CACNA1G: variants seen among roughly 807,000 people sequenced by gnomAD.
CACNA1G encodes calcium voltage-gated channel subunit alpha1 G.
In CACNA1G, 67 loss-of-function variants were observed where a neutral mutation model predicts 219.4. The observed-to-expected ratio is 0.31, with a 90% CI of 0.25 to 0.37. The LOEUF (loss-of-function observed/expected upper bound fraction) is 0.37. Ranked by LOEUF, CACNA1G falls within the 10% of genes least tolerant of loss-of-function variation. CACNA1G has a pLI of 1.00. For missense variants in CACNA1G, 2,380 were observed against 3,231.4 expected (o/e 0.74, Z 6.39); for synonymous variants, 1,296 against 1,345.3 (o/e 0.96, Z 0.80).
At chr17:50,611,041 G>A (rs887699378) in intron 26 of CACNA1G, among the ~76,000 whole-genome samples, 17 of 151,966 alleles carry the variant, frequency 1.1e-4, no homozygotes, top group African/African-American at 4.1e-4. Context: ...AGATCATGAG[G>A]TCAGGGGTTT....
chr17:50,561,029 G>C lies in CACNA1G; in HGVS notation c.-431G>C. 1 of 328,036 alleles carries C rather than the reference G, an allele frequency of 3.0e-6. No homozygotes were observed. The highest frequency in any genetic ancestry group is 5.9e-6 in the Non-Finnish European group (1 of 170,796). 20.3% of individuals were successfully genotyped at this position (328,036 alleles called of 1,614,324 possible). ...TGCTGACCCCTTAGATCCGGCTCCAGCTGCGCCGCGGGAAGAGGGGGCGCC... is the reference window on the plus strand; with the variant it reads ...TGCTGACCCCTTAGATCCGGCTCCACCTGCGCCGCGGGAAGAGGGGGCGCC... On this transcript the variant is annotated 5_prime_UTR_variant, in exon 1 of 38. Transcript: ENST00000359106.
In CACNA1G at chr17:50,599,464, G is replaced by A. The variant is rs58240016; in HGVS notation, c.3295G>A (p.Ala1099Thr). 1.0e-3 allele frequency: 1,623 copies of A among 1,574,412 alleles called. 14 individuals carry two copies. In the African/African-American group the frequency reaches 0.014, roughly 14 times the overall value. The change falls in exon 17 of 38, where the codon GCT becomes ACT. Residue 1099 changes from alanine to threonine, a missense_variant. This residue lies in a region of CACNA1G where 418 missense variants were observed against 434.3 expected (regional missense o/e 0.96). Coordinates refer to ENST00000359106, the MANE Select transcript of CACNA1G (RefSeq NM_018896.5). ...CAGCTCTCCGCACAGCCCCTGGAGC[G>A]CTGCAAGCAGCTGGACCAGCAGGCG... ...ARSSPHSPWS[A>T]ASSWTSRRSS...
rs529448290 is a variant in CACNA1G at position 50,560,827 on chromosome 17, G to A, written c.-633G>A. 6.6e-6 allele frequency among the ~76,000 whole-genome samples: 1 copy of A among 152,096 alleles called. No homozygotes were observed. The highest frequency in any genetic ancestry group is 2.1e-4 in the South Asian group (1 of 4,832). On this transcript the variant is annotated 5_prime_UTR_variant, in exon 1 of 38. Coordinates refer to ENST00000359106, the MANE Select transcript of CACNA1G (RefSeq NM_018896.5). ...CAGCGGCAGCCACCGCGGCGGCTGC[G>A]GCGGCGGCATCTCCGCCTCCACTCC...
Position 50,572,567 on chromosome 17 carries a change from G to A in CACNA1G, c.760G>A (p.Asp254Asn), listed in dbSNP as rs756783356. The change falls in exon 6 of 38, where the codon GAC (aspartate) becomes AAC (asparagine). Residue 254 changes from aspartate (D) to asparagine (N), a missense_variant. By Grantham distance (23) the Asp-to-Asn change is conservative (BLOSUM62 1). Transcript: ENST00000359106. Reference sequence around the variant, plus strand: ...CCCATCCTGCAGCCCCCTGAGCGTGGACCTGGAGCGCTATTACCAGACAGA... The same window carrying A: ...CCCATCCTGCAGCCCCCTGAGCGTGAACCTGGAGCGCTATTACCAGACAGA... ...PENFSLPLSVDLERYYQTENE... is the reference protein window; with the variant it reads ...PENFSLPLSVNLERYYQTENE... The A allele has an allele frequency of 3.3e-5, 52 of 1,552,854 alleles. No homozygotes were observed. Among genetic ancestry groups the A allele is most frequent in the African/African-American group, 1.1e-4 (8 of 73,536 alleles).
chr17:50,623,841 G>T, intron 35 of CACNA1G, 66 bp from the exon 36 acceptor site: 1 of 1,523,986 alleles, frequency 6.6e-7, no homozygotes, highest in Non-Finnish European at 9.0e-7. Flanking sequence ...TGTTGTCAGC[G>T]CTGCCTCAGT....
intron 1 of CACNA1G, among the ~76,000 whole-genome samples, chr17:50,566,480 T>C (rs757376137): frequency 2.0e-5 from 3 of 152,184 alleles, no homozygotes; most frequent in Non-Finnish European, 4.4e-5. Context: ...GGGGCTGACA[T>C]GATCAAGAGC....
At chr17:50,592,764 C>A (rs1257483284) in intron 13 of CACNA1G, among the ~76,000 whole-genome samples, 1 of 152,172 alleles carries the variant, frequency 6.6e-6, no homozygotes, top group Non-Finnish European at 1.5e-5. Context: ...CCCGAGCCCC[C>A]AGACCCACCC....
Position 50,618,841 on chromosome 17 carries a change from G to C in CACNA1G, c.5614G>C (p.Glu1872Gln), listed in dbSNP as rs756194183. Residue 1872 changes from glutamate to glutamine, a missense_variant, in exon 33 of 38, where the codon GAG (glutamate) becomes CAG (glutamine). By Grantham distance (29) the Glu-to-Gln change is conservative (BLOSUM62 2). Transcript: ENST00000359106. The surrounding 1 kb of genome is among the most constrained non-coding windows in gnomAD (Gnocchi z 5.3). ...GGAGGCCGAGCTAGAGGCTGAGCTG[G>C]AGCTGGAGATGAAGACCCTCAGCCC... ...KEEAELEAEL[E>Q]LEMKTLSPQP... The C allele has an allele frequency of 4.3e-6, 7 of 1,613,638 alleles. No homozygotes were observed. The East Asian group carries it at 1.6e-4, about 36-fold the overall frequency.
Position 50,572,023 on chromosome 17 carries a change from T to C in CACNA1G, c.732T>C (p.Pro244=), listed in dbSNP as rs766932544. 11 of 1,613,502 alleles carry C rather than the reference T, an allele frequency of 6.8e-6. No individual in the cohort carries two copies. The African/African-American group carries it at 1.5e-4, about 22-fold the overall frequency. ...TGCTTCGGAACCGATGCTTCCTACC[T>C]GAGAATTTCAGCCTGTGAGTGGTGG... ...AGLLRNRCFL[P]ENFSLPLSVD... is the part of the protein sequence containing the mutation. Residue 244 remains proline (P), a synonymous_variant, in exon 5 of 38, where the codon CCT becomes CCC. Transcript: ENST00000359106.
rs535330413 is a variant in CACNA1G at position 50,578,372 on chromosome 17, C to A, written c.2109C>A (p.Ser703Arg). Residue 703 changes from serine (S) to arginine (R), a missense_variant, in exon 9 of 38, where the codon AGC (serine) becomes AGA (arginine). Ser to Arg is a moderately radical substitution (Grantham distance 110, BLOSUM62 -1). Transcript: ENST00000359106. The surrounding 1 kb of genome is among the most constrained non-coding windows in gnomAD (Gnocchi z 4.5). Reference protein sequence around the residue: ...VYEFTQDAQHSDLRDPHSRRQ... With the variant: ...VYEFTQDAQHRDLRDPHSRRQ... ...AGTTCACACAGGATGCCCAGCACAG[C>A]GACCTCCGGGACCCCCACAGCCGGC... The A allele has an allele frequency of 6.2e-7, 1 of 1,613,126 alleles. No individual in the cohort carries two copies. Among genetic ancestry groups the A allele is most frequent in the African/African-American group, 1.3e-5 (1 of 74,912 alleles).
At chr17:50,604,713 A>G (rs549648928) in intron 22 of CACNA1G, among the ~76,000 whole-genome samples, 5 of 152,238 alleles carry the variant, frequency 3.3e-5, no homozygotes, top group Non-Finnish European at 7.3e-5. Context: ...CAGACCCCAG[A>G]CGAGGCAGGA....
At chr17:50,623,147 G>C (rs1598824366) in intron 35 of CACNA1G, among the ~76,000 whole-genome samples, 1 of 143,782 alleles carries the variant, frequency 7.0e-6, no homozygotes, top group South Asian at 2.3e-4. Flanking sequence ...CTAGGCTGGA[G>C]TGCAGTGATA....
In CACNA1G at chr17:50,599,816, A is replaced by AC; in HGVS notation, c.3653dup (p.Leu1219ThrfsTer5). 1 of 1,611,332 alleles carries AC rather than the reference A, an allele frequency of 6.2e-7. No homozygotes were observed. The highest frequency in any genetic ancestry group is 8.5e-7 in the Non-Finnish European group (1 of 1,179,780). On this transcript the variant is annotated frameshift_variant, in exon 17 of 38. Transcript: ENST00000359106. LOFTEE classifies it high-confidence loss of function. Reference sequence around the variant, plus strand: ...CTGGCCCGGGCCCTGCGGCCTGATGACCCCCCACTGGATGGGGATGACGCC... The same window carrying AC: ...CTGGCCCGGGCCCTGCGGCCTGATGACCCCCCCACTGGATGGGGATGACGCC...
chr17:50,566,507 CG>C (rs1385972143), intron 1 of CACNA1G, among the ~76,000 whole-genome samples: 2 of 152,142 alleles, frequency 1.3e-5, no homozygotes, highest in Non-Finnish European at 2.9e-5. Context: ...TGAGGTTATT[CG>C]GGGGCAGGCT....
At chr17:50,593,403 C>T (rs1012805898) in intron 13 of CACNA1G, among the ~76,000 whole-genome samples, 3 of 152,242 alleles carry the variant, frequency 2.0e-5, no homozygotes, top group Admixed American at 6.5e-5. Context: ...TGGAAAACAC[C>T]GCGGGCCTAT....
intron 3 of CACNA1G, 55 bp downstream of exon 3, chr17:50,569,353 G>A: frequency 1.9e-6 from 3 of 1,590,930 alleles, no homozygotes; most frequent in Non-Finnish European, 2.6e-6. Flanking sequence ...CCCTTCCCCG[G>A]GGCCAGGGTT....
At position 50,624,455 on chromosome 17, in the gene CACNA1G, C is replaced by A; in HGVS notation, c.6325C>A (p.Pro2109Thr). ...TCATCTGCTCCAGCCCCACAGCGCC[C>A]CAACCTGGGGCACCATCCCCAAACT... is the stretch of plus-strand genomic sequence containing the variant. Reference protein sequence around the residue: ...APHLLQPHSAPTWGTIPKLPP... With the variant: ...APHLLQPHSATTWGTIPKLPP... Residue 2109 changes from proline (P) to threonine (T), a missense_variant, in exon 37 of 38, where the codon CCA (proline) becomes ACA (threonine). Pro to Thr is a conservative substitution (Grantham distance 38, BLOSUM62 -1). Coordinates refer to ENST00000359106, the MANE Select transcript of CACNA1G (RefSeq NM_018896.5). The A allele has an allele frequency of 6.2e-7, 1 of 1,601,302 alleles. No homozygotes were observed.
intron 1 of CACNA1G, among the ~76,000 whole-genome samples, chr17:50,566,817 C>T (rs2144539775): frequency 6.6e-6 from 1 of 152,342 alleles, no homozygotes; most frequent in East Asian, 1.9e-4. Context: ...AATGCCCCTG[C>T]CTGTCAGGAG....
chr17:50,606,080 G>A (rs773297103), intron 23 of CACNA1G, 57 bp downstream of exon 23: 7 of 1,611,050 alleles, frequency 4.3e-6, no homozygotes, highest in Non-Finnish European at 5.1e-6. Context: ...GGGGCACAGG[G>A]CCATGCTTAG....
Sources: allele counts gnomAD v4.1 joint callset (sites outside exome capture counted in the v4.1 genomes callset), GRCh38; gene constraint gnomAD v4.1.1; regional missense constraint gnomAD v4.1.1; non-coding constraint Gnocchi (gnomAD v3.1); transcripts MANE v1.5; gene names NCBI Gene and HGNC (gene_info 2026-07-23, HGNC 2026-07-21).